ANKRD12: variants seen among roughly 807,000 people sequenced by gnomAD.
The protein encoded by ANKRD12 is ankyrin repeat domain 12, also known as ankyrin repeat domain-containing protein 12.
ANKRD12 carries 85 observed loss-of-function variants against 183.4 expected under a neutral mutation model. That is an observed-to-expected ratio of 0.46 (90% CI 0.39 to 0.56). The LOEUF (loss-of-function observed/expected upper bound fraction) is 0.56, where lower values mean the gene tolerates loss of function less well. Ranked by LOEUF, ANKRD12 falls within the 20% of genes least tolerant of loss-of-function variation. The pLI, the probability that ANKRD12 is intolerant of heterozygous loss-of-function variation, is 0.00. For missense variants in ANKRD12, 2,405 were observed against 2,357.1 expected (o/e 1.02, Z -0.42); for synonymous variants, 914 against 800.2 (o/e 1.14, Z -2.40).
chr18:9,282,672 C>T lies in ANKRD12; in HGVS notation c.*1546C>T, dbSNP rs576650938. ...TTATAATACTGAATGTTTTCTGTTC[C>T]GATAGAGAAAAGTGAAGCAAATATG... is the stretch of plus-strand genomic sequence containing the variant. On this transcript the variant is annotated 3_prime_UTR_variant, in exon 13 of 13. Transcript: ENST00000262126. The T allele has an allele frequency of 1.3e-5, 2 of 152,346 alleles. No homozygotes were observed. The highest frequency in any genetic ancestry group is 2.9e-5 in the Non-Finnish European group (2 of 67,934). 9.4% of individuals were successfully genotyped at this position (152,346 alleles called of 1,614,324 possible).
intron 8 of ANKRD12, among the ~76,000 whole-genome samples, chr18:9,245,347 G>T (rs2037899014): frequency 1.3e-5 from 2 of 151,786 alleles, no homozygotes; most frequent in Non-Finnish European, 2.9e-5. Context: ...GCTACTTAGG[G>T]AGCTGAGGTG....
chr18:9,192,727 G>C (rs191114622), intron 2 of ANKRD12, among the ~76,000 whole-genome samples: 1 of 151,584 alleles, frequency 6.6e-6, no homozygotes, highest in African/African-American at 2.4e-5. Context: ...TTAGAGACAG[G>C]GTCTTGCTCT....
Position 9,241,803 on chromosome 18 carries a change from C to CCTA in ANKRD12, c.944-12406_944-12405insACT, listed in dbSNP as rs1409887069. On this transcript the variant is annotated intron_variant, in intron 8 of 12. Coordinates refer to ENST00000262126, the MANE Select transcript of ANKRD12 (RefSeq NM_015208.5). Reference sequence around the variant, plus strand: ...TGTATATATCACCAACTTGCTTCTACCTCTGTCTTAAGCAAACAGAACACA... The same window carrying CCTA: ...TGTATATATCACCAACTTGCTTCTACCTACTCTGTCTTAAGCAAACAGAACACA... 2.6e-5 allele frequency among the ~76,000 whole-genome samples: 4 copies of CCTA among 151,904 alleles called. No individual in the cohort carries two copies. The East Asian group carries it at 5.8e-4, about 22-fold the overall frequency.
chr18:9,173,691 C>T (rs1033062675), intron 1 of ANKRD12, among the ~76,000 whole-genome samples: 5 of 151,902 alleles, frequency 3.3e-5, no homozygotes, highest in South Asian at 2.1e-4. Context: ...TGGAGATCCC[C>T]GTTAGGAGGT....
chr18:9,188,600 A>G (rs982578737), intron 2 of ANKRD12, among the ~76,000 whole-genome samples: 1 of 152,216 alleles, frequency 6.6e-6, no homozygotes, highest in Non-Finnish European at 1.5e-5. Context: ...CTTTGCAGAT[A>G]ATTGTGCTTT....
At chr18:9,138,222 C>T (rs1167184000) in intron 1 of ANKRD12, among the ~76,000 whole-genome samples, 8 of 152,240 alleles carry the variant, frequency 5.3e-5, no homozygotes, top group Non-Finnish European at 1.0e-4. Context: ...GTATTAAAAA[C>T]ATATGCACAG....
At position 9,223,489 on chromosome 18, in the gene ANKRD12, A is replaced by AAGACAAAG. The variant is rs557222808; in HGVS notation, c.943+1491_943+1498dup. On this transcript the variant is annotated intron_variant, in intron 8 of 12. Coordinates refer to ENST00000262126, the MANE Select transcript of ANKRD12 (RefSeq NM_015208.5). Reference sequence around the variant, plus strand: ...CCCAAAACCAAAAAAAATGCTTTTGAAGACAAAGTAAGAATTTCAGTATTG... The same window carrying AAGACAAAG: ...CCCAAAACCAAAAAAAATGCTTTTGAAGACAAAGAGACAAAGTAAGAATTTCAGTATTG... Among the ~76,000 whole-genome samples the AAGACAAAG allele has an allele frequency of 1.1e-4, 16 of 152,260 alleles. No individual in the cohort carries two copies. The East Asian group carries it at 2.9e-3, about 28-fold the overall frequency.
rs547737804 is a variant in ANKRD12 at position 9,204,879 on chromosome 18, C to T, written c.304+335C>T. On this transcript the variant is annotated intron_variant, in intron 4 of 12. Coordinates refer to ENST00000262126, the MANE Select transcript of ANKRD12 (RefSeq NM_015208.5). ...AGTGTAGTGACTCCTATGGGAAGAT[C>T]CCCAAGTGTTTCGTTGTATACCCTT... Among the ~76,000 whole-genome samples, 4 of 152,314 alleles carry T rather than the reference C, an allele frequency of 2.6e-5. No individual in the cohort carries two copies. In the East Asian group the frequency reaches 7.7e-4, roughly 29 times the overall value.
intron 1 of ANKRD12, among the ~76,000 whole-genome samples, chr18:9,161,823 A>G (rs533807151): frequency 6.6e-5 from 10 of 151,940 alleles, no homozygotes; most frequent in Middle Eastern, 3.4e-3. Context: ...TATCTCTCAT[A>G]TATTTTGTTG....
intron 3 of ANKRD12, among the ~76,000 whole-genome samples, chr18:9,204,179 AATAT>A (rs2035347477): frequency 6.6e-6 from 1 of 152,216 alleles, no homozygotes; most frequent in African/African-American, 2.4e-5. Context: ...AAGTTGAAAA[AATAT>A]ATAGCCTCAA....
chr18:9,170,319 G>A (rs967821552), intron 1 of ANKRD12, among the ~76,000 whole-genome samples: 1 of 152,104 alleles, frequency 6.6e-6, no homozygotes, highest in Non-Finnish European at 1.5e-5. Flanking sequence ...TTCCAACTTG[G>A]TTCCATTCTC....
Position 9,281,326 on chromosome 18 carries a change from A to G in ANKRD12, c.*200A>G, listed in dbSNP as rs1013846827. The G allele has an allele frequency of 6.7e-6, 3 of 448,488 alleles. No individual in the cohort carries two copies. Among genetic ancestry groups the G allele is most frequent in the African/African-American group, 6.2e-5 (3 of 48,632 alleles). 27.8% of individuals were successfully genotyped at this position (448,488 alleles called of 1,614,324 possible). The stretch of plus-strand genomic sequence containing the variant: ...CTTAGATCCAAACACAGTTTCTAAT[A>G]GAAAACTATTATTTATATTGGGAAA... On this transcript the variant is annotated 3_prime_UTR_variant, in exon 13 of 13. Coordinates refer to ENST00000262126, the MANE Select transcript of ANKRD12 (RefSeq NM_015208.5).
chr18:9,152,423 A>G (rs2078712521), intron 1 of ANKRD12, among the ~76,000 whole-genome samples: 1 of 152,208 alleles, frequency 6.6e-6, no homozygotes, highest in Non-Finnish European at 1.5e-5. Context: ...AATTATTCAT[A>G]AATAGGTCCT....
At chr18:9,201,378 T>C (rs1171452153) in intron 3 of ANKRD12, among the ~76,000 whole-genome samples, 3 of 152,202 alleles carry the variant, frequency 2.0e-5, no homozygotes, top group African/African-American at 7.2e-5. Context: ...TAAACAGCTG[T>C]CTTGAGGCTA....
intron 3 of ANKRD12, among the ~76,000 whole-genome samples, chr18:9,197,834 G>C (rs1355627169): frequency 1.3e-5 from 2 of 152,154 alleles, no homozygotes; most frequent in African/African-American, 4.8e-5. Context: ...GAAAATTCCT[G>C]TGTAAGTGGA....
intron 10 of ANKRD12, among the ~76,000 whole-genome samples, chr18:9,270,905 C>T (rs529891230): frequency 3.3e-5 from 5 of 152,126 alleles, no homozygotes; most frequent in Non-Finnish European, 5.9e-5. Context: ...CTGACTGATA[C>T]GAGAACAAAC....
At chr18:9,175,024 G>A (rs541864450) in intron 1 of ANKRD12, among the ~76,000 whole-genome samples, 33 of 151,846 alleles carry the variant, frequency 2.2e-4, no homozygotes, top group African/African-American at 3.6e-4. Context: ...GTGTGATCTC[G>A]ACTCACTGCA....
At chr18:9,157,585 G>GTGTGTGTGTATATA (rs1472659778) in intron 1 of ANKRD12, among the ~76,000 whole-genome samples, 54 of 92,656 alleles carry the variant, frequency 5.8e-4, no homozygotes, top group African/African-American at 1.0e-3. Context: ...GTGTGTGTGT[G>GTGTGTGTGTATATA]TATATATATA....
intron 1 of ANKRD12, among the ~76,000 whole-genome samples, chr18:9,151,865 G>C (rs1163749401): frequency 6.6e-6 from 1 of 152,096 alleles, no homozygotes; most frequent in Admixed American, 6.5e-5. Flanking sequence ...TATAATTTTA[G>C]TTACTTCTCA....
Sources: gnomAD v4.1 joint callset for allele counts (sites outside exome capture counted in the v4.1 genomes callset) on GRCh38, gnomAD v4.1.1 for gene constraint, MANE v1.5 for transcripts, NCBI Gene and HGNC (gene_info 2026-07-23, HGNC 2026-07-21) for gene names.